The following SLC44A5 variants were observed in gnomAD, a reference collection of about 807,000 sequenced individuals.
SLC44A5 encodes solute carrier family 44 member 5.
A neutral mutation model predicts 101.8 loss-of-function variants in SLC44A5; 57 were observed. The observed-to-expected ratio is 0.56, with a 90% CI of 0.45 to 0.70. The LOEUF (loss-of-function observed/expected upper bound fraction) is 0.70. Among genes scored for constraint, SLC44A5 ranks in the 30% least tolerant of loss-of-function variants. SLC44A5 has a pLI of 0.00. For synonymous variants in SLC44A5, 281 were observed against 290.9 expected (o/e 0.97, Z 0.35); for missense variants, 737 against 853.1 (o/e 0.86, Z 1.70).
At chr1:75,701,200 C>CA in the SLC44A5 span, among the ~76,000 whole-genome samples, 1 of 151,602 alleles carries the variant, frequency 6.6e-6, no homozygotes, top group Non-Finnish European at 1.5e-5. Flanking sequence ...CAGAGACACA[C>CA]AAAAAAAGAG....
intron 2 of SLC44A5, among the ~76,000 whole-genome samples, chr1:75,475,157 C>T (rs188177488): frequency 3.2e-4 from 49 of 152,326 alleles, no homozygotes; most frequent in African/African-American, 1.0e-3. Context: ...GATGATCTTA[C>T]GCCTCATCTC....
At chr1:75,407,480 C>A (rs1019423382) in intron 2 of SLC44A5, among the ~76,000 whole-genome samples, 1 of 152,092 alleles carries the variant, frequency 6.6e-6, no homozygotes, top group African/African-American at 2.4e-5. Context: ...GCTACAGTAA[C>A]CAAAACAGCA....
intron 3 of SLC44A5, among the ~76,000 whole-genome samples, chr1:75,388,341 T>A (rs758239019): frequency 3.4e-5 from 5 of 147,806 alleles, no homozygotes; most frequent in Non-Finnish European, 7.4e-5. Flanking sequence ...AAAAGAATAA[T>A]ACTTGCTACC....
At chr1:75,604,691 C>G (rs1449535521) in intron 1 of SLC44A5, among the ~76,000 whole-genome samples, 2 of 151,868 alleles carry the variant, frequency 1.3e-5, no homozygotes, top group Non-Finnish European at 2.9e-5. Context: ...TGATTTATTT[C>G]AGCAGCGTTT....
chr1:75,425,676 TC>T (rs1232842490), intron 2 of SLC44A5, among the ~76,000 whole-genome samples: 1 of 152,188 alleles, frequency 6.6e-6, no homozygotes, highest in Non-Finnish European at 1.5e-5. Context: ...CATGGATTCC[TC>T]CAGTAATAAC....
chr1:75,427,876 T>TG (rs1223442845), intron 2 of SLC44A5, among the ~76,000 whole-genome samples: 1 of 152,060 alleles, frequency 6.6e-6, no homozygotes, highest in Non-Finnish European at 1.5e-5. Context: ...GTCATGTGTA[T>TG]GATTAGTCAA....
chr1:75,218,460 G>T, intron 17 of SLC44A5, 30 bp downstream of exon 17: 1 of 1,611,238 alleles, frequency 6.2e-7, no homozygotes, highest in Non-Finnish European at 8.5e-7. Context: ...TAACTGACAA[G>T]ATAGGTGTAG....
intron 3 of SLC44A5, among the ~76,000 whole-genome samples, chr1:75,363,203 T>C (rs1478687720): frequency 1.3e-5 from 2 of 152,116 alleles, no homozygotes; most frequent in African/African-American, 2.4e-5. Context: ...ACTAGTAAAG[T>C]AAGTCTCTTG....
chr1:75,553,033 A>G (rs187405320), intron 1 of SLC44A5, among the ~76,000 whole-genome samples: 11 of 152,254 alleles, frequency 7.2e-5, no homozygotes, highest in Admixed American at 7.2e-4. Flanking sequence ...AAAATGAAAA[A>G]CTTGAGCTTG....
Position 75,557,548 on chromosome 1 carries a change from G to C in SLC44A5, c.-69-16032C>G, listed in dbSNP as rs138821545. On this transcript the variant is annotated intron_variant, in intron 1 of 23. Coordinates refer to ENST00000370859, the MANE Select transcript of SLC44A5 (RefSeq NM_001130058.2). ...AGAAAGTTCTCTGGTGCTTTGTCAG[G>C]GTAATTTTCCACATTCTACAAGTGT... Among the ~76,000 whole-genome samples the C allele has an allele frequency of 6.3e-3, 958 of 152,068 alleles. 11 individuals are homozygous for C. Among genetic ancestry groups the C allele is most frequent in the African/African-American group, 0.022 (909 of 41,520 alleles).
chr1:75,480,565 C>A (rs1450174216), intron 2 of SLC44A5, among the ~76,000 whole-genome samples: 1 of 152,104 alleles, frequency 6.6e-6, no homozygotes, highest in Non-Finnish European at 1.5e-5. Context: ...TCTCAGGATA[C>A]AAAATCAATG....
intron 23 of SLC44A5, among the ~76,000 whole-genome samples, chr1:75,211,218 A>G (rs1195852573): frequency 6.6e-6 from 1 of 152,106 alleles, no homozygotes; most frequent in Admixed American, 6.6e-5. Context: ...CTCTGTTTCT[A>G]TGAGTTTGAC....
chr1:75,284,093 A>G (rs187403428), intron 5 of SLC44A5, among the ~76,000 whole-genome samples: 37 of 152,196 alleles, frequency 2.4e-4, no homozygotes, highest in Admixed American at 1.7e-3. Context: ...TTTCAGCAGT[A>G]TGGTCATTTT....
intron 2 of SLC44A5, among the ~76,000 whole-genome samples, chr1:75,405,043 A>G (rs2101465762): frequency 6.6e-6 from 1 of 152,366 alleles, no homozygotes; most frequent in South Asian, 2.1e-4. Flanking sequence ...CAAGGGTTGC[A>G]ATCCTACTCT....
the SLC44A5 span, among the ~76,000 whole-genome samples, chr1:75,678,486 CCT>C: frequency 6.6e-6 from 1 of 151,616 alleles, no homozygotes; most frequent in Non-Finnish European, 1.5e-5. Context: ...TGGGAGGCAC[CCT>C]CCAGCAGGGG....
the SLC44A5 span, among the ~76,000 whole-genome samples, chr1:75,721,604 T>C: frequency 6.6e-6 from 1 of 152,234 alleles, no homozygotes; most frequent in East Asian, 1.9e-4. Context: ...CTACACAGTA[T>C]GACCTTTGAA....
the SLC44A5 span, chr1:75,641,622 G>C: frequency 1.3e-6 from 2 of 1,493,934 alleles, no homozygotes; most frequent in Non-Finnish European, 1.9e-6. Flanking sequence ...TTTGGGTCAC[G>C]GTTCAAAATT....
chr1:75,352,438 G>GT (rs1022722383), intron 3 of SLC44A5, among the ~76,000 whole-genome samples: 43 of 148,176 alleles, frequency 2.9e-4, no homozygotes, highest in East Asian at 4.0e-4. Flanking sequence ...TCTGTTTTTT[G>GT]TTTTTTTTTT....
chr1:75,253,531 T>C (rs1305833981), intron 6 of SLC44A5, among the ~76,000 whole-genome samples: 1 of 152,038 alleles, frequency 6.6e-6, no homozygotes, highest in African/African-American at 2.4e-5. Context: ...ACAAGGCTAC[T>C]ACTTTGAGAT....
Sources: allele counts gnomAD v4.1 joint callset (sites outside exome capture counted in the v4.1 genomes callset), GRCh38; gene constraint gnomAD v4.1.1; transcripts MANE v1.5; gene names NCBI Gene and HGNC (gene_info 2026-07-23, HGNC 2026-07-21).